Variants in NKAIN2 observed in about 807,000 individuals in gnomAD.
The protein encoded by NKAIN2 is sodium/potassium transporting ATPase interacting 2.
A neutral mutation model predicts 32.6 loss-of-function variants in NKAIN2; 14 were observed. That is an observed-to-expected ratio of 0.43 (90% confidence interval 0.28 to 0.67). The LOEUF is 0.67. NKAIN2 is among the 30% of genes least tolerant of loss of function. The pLI, the probability that NKAIN2 is intolerant of heterozygous loss-of-function variation, is 0.17. For synonymous variants in NKAIN2, 80 were observed against 87.2 expected, an observed-to-expected ratio of 0.92 and a Z score of 0.46; for missense variants, 198 against 258.3, an observed-to-expected ratio of 0.77 and a Z score of 1.60.
chr6:124,411,524 G>C (rs1286874379), intron 3 of NKAIN2, among the ~76,000 whole-genome samples: 1 of 152,230 alleles, frequency 6.6e-6, no homozygotes, highest in South Asian at 2.1e-4. Flanking sequence ...GTCTCTTCTG[G>C]CTTGTAGAGT....
intron 1 of NKAIN2, among the ~76,000 whole-genome samples, chr6:123,975,505 C>T (rs889910008): frequency 2.0e-5 from 3 of 152,156 alleles, no homozygotes; most frequent in Non-Finnish European, 2.9e-5. Flanking sequence ...TGGGGTTCTC[C>T]AGAGAAACAG....
At chr6:124,189,472 G>A (rs960811196) in intron 1 of NKAIN2, among the ~76,000 whole-genome samples, 4 of 152,040 alleles carry the variant, frequency 2.6e-5, no homozygotes, top group African/African-American at 9.7e-5. Context: ...AGGCCGAGGT[G>A]GGCAGATCAC....
Position 124,110,698 on chromosome 6 carries a change from C to T in NKAIN2, c.55-172307C>T, listed in dbSNP as rs544174108. On this transcript the variant is annotated intron_variant, in intron 1 of 6. Transcript: ENST00000368417. ...TGCTTAGGATAATGGCCTCCATCTG[C>T]ATCCGTGTTGCTGCAAAAGACATGA... Among the ~76,000 whole-genome samples, 39 of 152,190 alleles carry T rather than the reference C, an allele frequency of 2.6e-4. No individual in the cohort carries two copies. The East Asian group carries it at 4.8e-3, about 19-fold the overall frequency.
chr6:124,785,136 C>T (rs542390908), intron 4 of NKAIN2, among the ~76,000 whole-genome samples: 79 of 152,086 alleles, frequency 5.2e-4, no homozygotes, highest in Admixed American at 5.2e-3. Context: ...TTCCAGTTTA[C>T]TTTGTCTCTG....
At chr6:124,593,160 T>C (rs1781970036) in intron 3 of NKAIN2, among the ~76,000 whole-genome samples, 1 of 152,082 alleles carries the variant, frequency 6.6e-6, no homozygotes. Context: ...AGATTTACTC[T>C]AATGGGAATG....
chr6:124,178,673 A>T (rs1305601776), intron 1 of NKAIN2, among the ~76,000 whole-genome samples: 1 of 152,200 alleles, frequency 6.6e-6, no homozygotes, highest in Non-Finnish European at 1.5e-5. Flanking sequence ...CATGTGATGC[A>T]TGAGGAAACT....
chr6:124,143,992 A>T (rs1251951948), intron 1 of NKAIN2, among the ~76,000 whole-genome samples: 2 of 152,210 alleles, frequency 1.3e-5, no homozygotes, highest in Admixed American at 6.5e-5. Flanking sequence ...CCTAGATCTG[A>T]TGTAATGTGC....
chr6:124,563,991 G>T (rs1269256551), intron 3 of NKAIN2, among the ~76,000 whole-genome samples: 1 of 152,106 alleles, frequency 6.6e-6, no homozygotes, highest in Non-Finnish European at 1.5e-5. Context: ...TCTCAGGGTG[G>T]AGACTTTAGC....
intron 3 of NKAIN2, among the ~76,000 whole-genome samples, chr6:124,403,016 A>C (rs908238008): frequency 2.6e-5 from 4 of 152,296 alleles, no homozygotes; most frequent in African/African-American, 9.6e-5. Flanking sequence ...ATTGTCTATA[A>C]GTTATAGAAT....
chr6:124,326,412 C>G (rs182800808), intron 2 of NKAIN2, among the ~76,000 whole-genome samples: 207 of 152,114 alleles, frequency 1.4e-3, no homozygotes, highest in African/African-American at 4.6e-3. Flanking sequence ...CCAGGGTTGC[C>G]TCCCCTCCTG....
At chr6:124,111,778 G>T (rs193133677) in intron 1 of NKAIN2, among the ~76,000 whole-genome samples, 4 of 150,968 alleles carry the variant, frequency 2.6e-5, no homozygotes, top group African/African-American at 9.7e-5. Context: ...TTTTGTTGGG[G>T]TTTTTTTTGG....
At chr6:123,932,434 T>TTTTTTTTTTTTTTTTTTTC (rs1481221049) in intron 1 of NKAIN2, among the ~76,000 whole-genome samples, 4 of 91,780 alleles carry the variant, frequency 4.4e-5, no homozygotes, top group Non-Finnish European at 6.5e-5. Flanking sequence ...TTTTTTTTTT[T>TTTTTTTTTTTTTTTTTTTC]GAGAAAGAGT....
At chr6:124,675,818 T>G (rs2114488033) in intron 4 of NKAIN2, among the ~76,000 whole-genome samples, 1 of 152,144 alleles carries the variant, frequency 6.6e-6, no homozygotes, top group South Asian at 2.1e-4. Context: ...AATATTTTTT[T>G]CCATTCTCTA....
intron 1 of NKAIN2, among the ~76,000 whole-genome samples, chr6:123,835,361 AT>A (rs1209514663): frequency 6.6e-6 from 1 of 152,224 alleles, no homozygotes; most frequent in Non-Finnish European, 1.5e-5. Flanking sequence ...CTATCAAAGT[AT>A]TCTGTACATA....
At chr6:124,722,111 A>C (rs1217575658) in intron 4 of NKAIN2, among the ~76,000 whole-genome samples, 1 of 152,152 alleles carries the variant, frequency 6.6e-6, no homozygotes, top group Admixed American at 6.5e-5. Context: ...CACTTAGCAA[A>C]ATGTTTTCAA....
At position 124,103,883 on chromosome 6, in the gene NKAIN2, C is replaced by T. The variant is rs35739326; in HGVS notation, c.55-179122C>T. 4.0e-3 allele frequency among the ~76,000 whole-genome samples: 610 copies of T among 152,074 alleles called. 8 individuals carry two copies. The highest frequency in any genetic ancestry group is 4.6e-3 in the Non-Finnish European group (315 of 67,990). On this transcript the variant is annotated intron_variant, in intron 1 of 6. Coordinates refer to ENST00000368417, the MANE Select transcript of NKAIN2 (RefSeq NM_001040214.3). Reference sequence around the variant, plus strand: ...TGGGCGGATCATGAGATCAGGAGATCGAGACCATCCTGGCTAACACGGTGA... The same window carrying T: ...TGGGCGGATCATGAGATCAGGAGATTGAGACCATCCTGGCTAACACGGTGA...
chr6:123,999,045 T>C (rs990630823), intron 1 of NKAIN2, among the ~76,000 whole-genome samples: 6 of 152,058 alleles, frequency 3.9e-5, no homozygotes, highest in African/African-American at 1.2e-4. Context: ...AAGTAAATAG[T>C]TCATTAATTT....
chr6:124,768,191 T>G (rs1778593803), intron 4 of NKAIN2, among the ~76,000 whole-genome samples: 1 of 152,180 alleles, frequency 6.6e-6, no homozygotes, highest in Non-Finnish European at 1.5e-5. Flanking sequence ...CTTAATAAAC[T>G]ATGTAAATGT....
At chr6:124,669,039 C>T (rs551228876) in intron 4 of NKAIN2, among the ~76,000 whole-genome samples, 3 of 152,046 alleles carry the variant, frequency 2.0e-5, no homozygotes, top group Non-Finnish European at 4.4e-5. Flanking sequence ...ACCCACATCC[C>T]GGCAGTAGTA....
Sources: allele counts gnomAD v4.1 joint callset (sites outside exome capture counted in the v4.1 genomes callset), GRCh38; gene constraint gnomAD v4.1.1; transcripts MANE v1.5; gene names NCBI Gene and HGNC (gene_info 2026-07-23, HGNC 2026-07-21).